The following LRP1B variants were observed in gnomAD, a reference collection of about 807,000 sequenced individuals.
The protein encoded by LRP1B is LDL receptor related protein 1B.
Under a neutral mutation model 556.6 loss-of-function variants are expected in LRP1B, and 217 were observed. The observed-to-expected ratio is 0.39, with a 90% confidence interval of 0.35 to 0.44. The LOEUF (loss-of-function observed/expected upper bound fraction) is 0.44, where lower values mean the gene tolerates loss of function less well. LRP1B is among the 20% of genes least tolerant of loss of function. The probability of loss-of-function intolerance (pLI) is 1.00; values close to 1 mark genes in which losing one functional copy is unlikely to be tolerated. For missense variants in LRP1B, 5,053 were observed against 5,620.8 expected (o/e 0.90, Z 3.23); for synonymous variants, 2,047 against 1,865.8 (o/e 1.10, Z -2.50).
At chr2:141,966,716 T>C (rs56118134) in intron 1 of LRP1B, among the ~76,000 whole-genome samples, 10,082 of 151,760 alleles carry the variant, frequency 0.066, 1,142 homozygotes, top group African/African-American at 0.23. Context: ...GTACAAATGG[T>C]TGAAGGCCCT....
chr2:140,400,654 A>G (rs1046642178), intron 66 of LRP1B, among the ~76,000 whole-genome samples: 1 of 152,178 alleles, frequency 6.6e-6, no homozygotes, highest in Admixed American at 6.5e-5. Flanking sequence ...GGAAGGAGAG[A>G]ATAACGTGTA....
At chr2:141,955,577 C>G (rs1473666618) in intron 1 of LRP1B, among the ~76,000 whole-genome samples, 1 of 152,010 alleles carries the variant, frequency 6.6e-6, no homozygotes, top group Non-Finnish European at 1.5e-5. Context: ...TGGACTTCAC[C>G]AGGGGGCTTC....
chr2:140,681,897 A>G (rs1179940234), intron 41 of LRP1B, among the ~76,000 whole-genome samples: 8 of 152,224 alleles, frequency 5.3e-5, no homozygotes, highest in Non-Finnish European at 1.2e-4. Flanking sequence ...TAAAGTAAAC[A>G]GTCATATAGA....
rs368712095 is a variant in LRP1B, at chr2:141,434,032, C to T, written c.343+46364G>A. Among the ~76,000 whole-genome samples the T allele has an allele frequency of 6.6e-5, 10 of 151,622 alleles. No homozygotes were observed. The East Asian group carries it at 1.4e-3, about 21-fold the overall frequency. On this transcript the variant is annotated intron_variant, in intron 3 of 90. Transcript: ENST00000389484. ...CCTTACTGCTTTCAAGATTTTCTAT[C>T]TTTGGCTTTCAACATCATGACTGTA...
At chr2:141,945,560 C>T (rs1032553156) in intron 1 of LRP1B, among the ~76,000 whole-genome samples, 4 of 150,640 alleles carry the variant, frequency 2.7e-5, no homozygotes, top group African/African-American at 9.8e-5. Context: ...TATATATCTC[C>T]ACAATTGATC....
At chr2:140,792,309 G>T (rs1036950741) in intron 32 of LRP1B, among the ~76,000 whole-genome samples, 7 of 152,164 alleles carry the variant, frequency 4.6e-5, no homozygotes, top group Non-Finnish European at 1.0e-4. Flanking sequence ...TAAGCCACCA[G>T]ACATTGAACC....
At chr2:141,236,755 A>G (rs1162281614) in intron 5 of LRP1B, among the ~76,000 whole-genome samples, 1 of 152,148 alleles carries the variant, frequency 6.6e-6, no homozygotes, top group African/African-American at 2.4e-5. Context: ...AATGGAAAAG[A>G]TACCTTTTTC....
At chr2:141,314,828 G>A (rs62166649) in intron 3 of LRP1B, among the ~76,000 whole-genome samples, 23 of 60,970 alleles carry the variant, frequency 3.8e-4, no homozygotes, top group East Asian at 5.4e-4. Context: ...ATATATATAT[G>A]TGTATATATA....
intron 1 of LRP1B, among the ~76,000 whole-genome samples, chr2:141,990,666 C>G (rs1407949197): frequency 6.6e-6 from 1 of 151,934 alleles, no homozygotes; most frequent in Admixed American, 6.6e-5. Flanking sequence ...AAGACAACAA[C>G]TATAATTACC....
chr2:141,490,392 T>TGTGCAC (rs1553520869), intron 2 of LRP1B, among the ~76,000 whole-genome samples: 1 of 151,792 alleles, frequency 6.6e-6, no homozygotes, highest in Admixed American at 6.6e-5. Flanking sequence ...TGTGTGTGTG[T>TGTGCAC]GTGTGTGTTT....
chr2:141,582,373 G>T (rs1686980751), intron 2 of LRP1B, among the ~76,000 whole-genome samples: 1 of 152,308 alleles, frequency 6.6e-6, no homozygotes, highest in East Asian at 1.9e-4. Flanking sequence ...TGTTGTTATT[G>T]CAGGTAGTGT....
chr2:141,351,687 G>C (rs1688448017), intron 3 of LRP1B, among the ~76,000 whole-genome samples: 1 of 151,944 alleles, frequency 6.6e-6, no homozygotes, highest in African/African-American at 2.4e-5. Flanking sequence ...CAACTCTAGT[G>C]GGGAAGTCAA....
intron 45 of LRP1B, among the ~76,000 whole-genome samples, chr2:140,539,586 G>GAACAGA (rs1463176305): frequency 1.8e-4 from 28 of 152,154 alleles, no homozygotes; most frequent in African/African-American, 6.5e-4. Flanking sequence ...GGCCTCCACC[G>GAACAGA]AACAGAAATA....
intron 1 of LRP1B, among the ~76,000 whole-genome samples, chr2:142,014,837 C>A (rs1202042567): frequency 6.6e-6 from 1 of 152,018 alleles, no homozygotes; most frequent in African/African-American, 2.4e-5. Flanking sequence ...CAGCAGTCCC[C>A]AAAACCTATT....
At chr2:140,668,309 CAAAAAAAAAAAAAAAAAAAAAAAAA>C (rs560180473) in intron 41 of LRP1B, among the ~76,000 whole-genome samples, 1 of 59,648 alleles carries the variant, frequency 1.7e-5, no homozygotes, top group Admixed American at 2.7e-4. Context: ...GACTCCGTCT[CAAAAAAAAAAAAAAAAAAAAAAAAA>C]AAAAAAAAAA....
intron 1 of LRP1B, among the ~76,000 whole-genome samples, chr2:141,856,626 C>G (rs1021269118): frequency 4.6e-5 from 7 of 152,110 alleles, no homozygotes; most frequent in African/African-American, 1.4e-4. Context: ...TCTTTTCTTG[C>G]ATTTTTAAAA....
chr2:141,060,782 C>A (rs559883557), intron 8 of LRP1B, among the ~76,000 whole-genome samples: 6 of 151,708 alleles, frequency 4.0e-5, no homozygotes, highest in Non-Finnish European at 8.8e-5. Context: ...ACACCCTAGG[C>A]AGAGGTAGGA....
At chr2:141,714,128 T>C (rs1031726376) in intron 2 of LRP1B, among the ~76,000 whole-genome samples, 1 of 152,152 alleles carries the variant, frequency 6.6e-6, no homozygotes, top group African/African-American at 2.4e-5. Context: ...GGAATAAAGT[T>C]AGTGGAAAGG....
chr2:140,814,308 G>A (rs1395650661), intron 31 of LRP1B, among the ~76,000 whole-genome samples: 1 of 152,052 alleles, frequency 6.6e-6, no homozygotes, highest in African/African-American at 2.4e-5. Context: ...ACAGAGAAAC[G>A]TTATACTTTT....
Sources: allele counts gnomAD v4.1 joint callset (sites outside exome capture counted in the v4.1 genomes callset), GRCh38; gene constraint gnomAD v4.1.1; transcripts MANE v1.5; gene names NCBI Gene and HGNC (gene_info 2026-07-23, HGNC 2026-07-21).